The following WDR1 variants were observed in gnomAD, a reference collection of about 807,000 sequenced individuals.
WDR1 encodes WD repeat domain 1.
WDR1 carries 21 observed loss-of-function variants against 71.9 expected under a neutral mutation model. The observed-to-expected ratio is 0.29, with a 90% CI of 0.21 to 0.42. The LOEUF (loss-of-function observed/expected upper bound fraction) is 0.42, where lower values mean the gene tolerates loss of function less well. WDR1 is among the 10% of genes least tolerant of loss of function. The pLI, the probability that WDR1 is intolerant of heterozygous loss-of-function variation, is 1.00. For synonymous variants in WDR1, 424 were observed against 347.4 expected (o/e 1.22, Z -2.45); for missense variants, 696 against 824.5 (o/e 0.84, Z 1.91).
intron 2 of WDR1, among the ~76,000 whole-genome samples, chr4:10,107,486 C>T (rs1311008392): frequency 6.6e-6 from 1 of 152,210 alleles, no homozygotes; most frequent in East Asian, 1.9e-4. Flanking sequence ...TCCCTCCAGG[C>T]TTCAGCCCAC....
At chr4:10,076,419 CAGTG>C (rs2109629356) in intron 14 of WDR1, 1 of 152,394 alleles carries the variant, frequency 6.6e-6, no homozygotes, top group South Asian at 2.1e-4. Context: ...TGTGACCTCA[CAGTG>C]AAGACACAGA....
chr4:10,081,684 C>A (rs538152428), intron 10 of WDR1, among the ~76,000 whole-genome samples: 4 of 48,250 alleles, frequency 8.3e-5, no homozygotes, highest in Non-Finnish European at 1.4e-4. Flanking sequence ...GAAGGAGGGG[C>A]GGGAGGCGGT....
At chr4:10,081,253 A>G in intron 11 of WDR1, 104 bp downstream of exon 11, 1 of 1,131,788 alleles carries the variant, frequency 8.8e-7, no homozygotes, top group South Asian at 1.3e-5. Flanking sequence ...GCACTCAACC[A>G]AAACACTGGC....
chr4:10,077,304 C>G lies in WDR1; in HGVS notation c.1714G>C (p.Asp572His). 6.2e-7 allele frequency: 1 copy of G among 1,613,910 alleles called. No homozygotes were observed. The highest frequency in any genetic ancestry group is 8.5e-7 in the Non-Finnish European group (1 of 1,179,846). ...GCCAAGGCCTGGGGGCGGAAGTCAC[C>G]TTGGATCTTGACTCTGGTTTCCGGG... ...SDPETRVKIQ[D>H]AHRLHHVSSL... is the part of the protein sequence containing the mutation. The change falls in exon 14 of 15, where the codon GAT (aspartate) becomes CAT (histidine). Residue 572 changes from aspartate (D) to histidine (H), a missense_variant and splice_region_variant. By Grantham distance (81) the Asp-to-His change is moderately conservative (BLOSUM62 -1). Transcript: ENST00000499869.
chr4:10,103,041 G>A (rs1464068570), intron 3 of WDR1, among the ~76,000 whole-genome samples: 2 of 152,144 alleles, frequency 1.3e-5, no homozygotes, highest in African/African-American at 2.4e-5. Flanking sequence ...GAAAAGCTCT[G>A]CGTCAAAGAA....
chr4:10,097,942 C>T, intron 4 of WDR1, 51 bp from the exon 5 acceptor site: 1 of 1,358,854 alleles, frequency 7.4e-7, no homozygotes, highest in South Asian at 1.4e-5. Context: ...AAAAATCAAT[C>T]CCAGAAGGCT....
rs1038619722 is a variant in WDR1, at chr4:10,093,013, A to T, written c.559-4272T>A. The T allele has an allele frequency of 3.2e-6, 4 of 1,264,522 alleles. No homozygotes were observed. The Admixed American group carries it at 9.2e-5, about 29-fold the overall frequency. 78.3% of individuals were successfully genotyped at this position (1,264,522 alleles called of 1,614,324 possible). On this transcript the variant is annotated intron_variant, in intron 5 of 14. Transcript: ENST00000499869. ...ACGAGCCCCCCTCCCCACAGTCCTC[A>T]CTCCCTCCCACCAATATGCTCCCTC...
chr4:10,114,759 C>G (rs1713606155), intron 2 of WDR1, among the ~76,000 whole-genome samples: 2 of 152,242 alleles, frequency 1.3e-5, no homozygotes, highest in Non-Finnish European at 2.9e-5. Context: ...GGCCCTTCGG[C>G]TTTCTAGGAA....
chr4:10,083,510 T>C (rs943238089), intron 9 of WDR1: 2 of 489,058 alleles, frequency 4.1e-6, no homozygotes, highest in Admixed American at 2.3e-5. Context: ...CATTTCTTTA[T>C]GTTTTGGGGG....
intron 2 of WDR1, among the ~76,000 whole-genome samples, chr4:10,104,506 G>A (rs568286753): frequency 6.6e-6 from 1 of 152,186 alleles, no homozygotes; most frequent in Non-Finnish European, 1.5e-5. Flanking sequence ...AAAAACTTGG[G>A]TTTGGAAAGG....
chr4:10,105,332 G>A (rs1712952393), intron 2 of WDR1, among the ~76,000 whole-genome samples: 1 of 151,958 alleles, frequency 6.6e-6, no homozygotes, highest in South Asian at 2.1e-4. Context: ...AGTGGTTTGG[G>A]GGAGAAAAAA....
chr4:10,111,395 C>T (rs1231191745), intron 2 of WDR1, among the ~76,000 whole-genome samples: 2 of 152,178 alleles, frequency 1.3e-5, no homozygotes, highest in Non-Finnish European at 2.9e-5. Context: ...GAGATGAAGG[C>T]CCCCCACCAC....
intron 2 of WDR1, among the ~76,000 whole-genome samples, chr4:10,110,921 T>G (rs763871022): frequency 1.4e-4 from 21 of 152,138 alleles, no homozygotes; most frequent in Non-Finnish European, 1.9e-4. Context: ...TCCCTGAAAA[T>G]CACTGATTTT....
chr4:10,114,637 T>C (rs896719758), intron 2 of WDR1, among the ~76,000 whole-genome samples: 13 of 152,362 alleles, frequency 8.5e-5, no homozygotes, highest in African/African-American at 2.9e-4. Flanking sequence ...CTACTAAATA[T>C]CTCTTTAGGG....
chr4:10,085,983 G>A (rs958774453), intron 8 of WDR1, among the ~76,000 whole-genome samples: 2 of 152,188 alleles, frequency 1.3e-5, no homozygotes, highest in African/African-American at 2.4e-5. Flanking sequence ...GGCAGGCCGG[G>A]TGCACTGGCC....
In WDR1 at chr4:10,116,683, C is replaced by T; in HGVS notation, c.-17G>A. On this transcript the variant is annotated 5_prime_UTR_variant, in exon 1 of 15. Coordinates refer to ENST00000499869, the MANE Select transcript of WDR1 (RefSeq NM_017491.5). The stretch of plus-strand genomic sequence containing the variant: ...GTACGGCATCCTCGCCCACTTGTTA[C>T]CGCGCCGCGCTCGCCGAGAGCCTCC... 2 of 1,350,358 alleles carry T rather than the reference C, an allele frequency of 1.5e-6. No homozygotes were observed. Among genetic ancestry groups the T allele is most frequent in the Non-Finnish European group, 1.9e-6 (2 of 1,043,768 alleles). 83.6% of individuals were successfully genotyped at this position (1,350,358 alleles called of 1,614,324 possible).
intron 5 of WDR1, among the ~76,000 whole-genome samples, chr4:10,089,397 C>A (rs1355296198): frequency 6.6e-6 from 1 of 152,154 alleles, no homozygotes; most frequent in African/African-American, 2.4e-5. Flanking sequence ...TAAGTCACTG[C>A]GCCTGGCCAA....
In WDR1 at chr4:10,083,145, G is replaced by T. The variant is rs764967558; in HGVS notation, c.1073C>A (p.Ser358Tyr). 6.2e-7 allele frequency: 1 copy of T among 1,613,922 alleles called. No individual in the cohort carries two copies. The highest frequency in any genetic ancestry group is 8.5e-7 in the Non-Finnish European group (1 of 1,179,860). ...GTTCGTGTGGCCTTTCCCAGCGAAG[G>T]AGTCGTTCTCCCCCGTCTCTGAATC... ...YWDSETGEND[S>Y]FAGKGHTNQV... Residue 358 changes from serine to tyrosine, a missense_variant, in exon 10 of 15, where the codon TCC becomes TAC. Ser to Tyr is a moderately radical substitution (Grantham distance 144). Coordinates refer to ENST00000499869, the MANE Select transcript of WDR1 (RefSeq NM_017491.5).
rs770010630 is a variant in WDR1 at position 10,081,449 on chromosome 4, T to TA, written c.1197-6dup. 40 of 1,613,358 alleles carry TA rather than the reference T, an allele frequency of 2.5e-5. No homozygotes were observed. In the African/African-American group the frequency reaches 4.3e-4, roughly 17 times the overall value. ...AGTTTCACAACTCCTTGTCCGCTGT[T>TA]AGAGAGAAAGGAAGCACATTACTTC... On this transcript the variant is annotated splice_polypyrimidine_tract_variant and splice_region_variant and intron_variant, in intron 10 of 14. Coordinates refer to ENST00000499869, the MANE Select transcript of WDR1 (RefSeq NM_017491.5).
Sources: gnomAD v4.1 joint callset for allele counts (sites outside exome capture counted in the v4.1 genomes callset) on GRCh38, gnomAD v4.1.1 for gene constraint, MANE v1.5 for transcripts, NCBI Gene and HGNC (gene_info 2026-07-23, HGNC 2026-07-21) for gene names.